C1orf21: variants seen among roughly 807,000 people sequenced by gnomAD.
C1orf21 encodes the protein uncharacterized protein C1orf21.
In C1orf21, 3 loss-of-function variants were observed where a neutral mutation model predicts 18.7. The observed-to-expected ratio is 0.16, with a 90% CI of 0.07 to 0.42. The LOEUF (loss-of-function observed/expected upper bound fraction) is 0.42. Among genes scored for constraint, C1orf21 ranks in the 10% least tolerant of loss-of-function variants. The pLI, the probability that C1orf21 is intolerant of heterozygous loss-of-function variation, is 0.99. For synonymous variants in C1orf21, 41 were observed against 46.4 expected (o/e 0.88, Z 0.47); for missense variants, 104 against 143.6 (o/e 0.72, Z 1.41).
At chr1:184,616,947 G>A (rs752718651) in intron 5 of C1orf21, among the ~76,000 whole-genome samples, 1 of 152,184 alleles carries the variant, frequency 6.6e-6, no homozygotes, top group South Asian at 2.1e-4. Context: ...GTGGGAGGAA[G>A]AGTTCCCTGA....
chr1:184,511,529 A>G (rs1658143109), intron 3 of C1orf21, among the ~76,000 whole-genome samples: 1 of 152,226 alleles, frequency 6.6e-6, no homozygotes, highest in Admixed American at 6.5e-5. Flanking sequence ...TGCTTGAGAC[A>G]TGTCAGGTGT....
intron 1 of C1orf21, among the ~76,000 whole-genome samples, chr1:184,445,879 A>G (rs989274434): frequency 6.6e-6 from 1 of 152,190 alleles, no homozygotes; most frequent in Non-Finnish European, 1.5e-5. Flanking sequence ...TTATCATAAC[A>G]ATTACATTAA....
chr1:184,503,443 G>A (rs1658006960), intron 2 of C1orf21, among the ~76,000 whole-genome samples: 1 of 152,002 alleles, frequency 6.6e-6, no homozygotes, highest in Non-Finnish European at 1.5e-5. Flanking sequence ...TGGGTTCTCA[G>A]AGCATTAGTC....
At chr1:184,398,724 T>C (rs1656102548) in intron 1 of C1orf21, among the ~76,000 whole-genome samples, 1 of 152,202 alleles carries the variant, frequency 6.6e-6, no homozygotes, top group Admixed American at 6.5e-5. Context: ...CTGAATACTA[T>C]GGGCAGTTGT....
chr1:184,578,087 G>A lies in C1orf21; in HGVS notation c.190-12652G>A, dbSNP rs1659220942. Among the ~76,000 whole-genome samples the A allele has an allele frequency of 3.3e-5, 5 of 151,670 alleles. No homozygotes were observed. In the South Asian group the frequency reaches 1.0e-3, roughly 32 times the overall value. Reference sequence around the variant, plus strand: ...TTCTCCTGCCTCAGCCTCCCGAATAGCTGAGATTACAGGCGCCTGCCACCA... The same window carrying A: ...TTCTCCTGCCTCAGCCTCCCGAATAACTGAGATTACAGGCGCCTGCCACCA... On this transcript the variant is annotated intron_variant, in intron 3 of 5. Transcript: ENST00000235307.
At chr1:184,559,616 TC>T (rs1571277672) in intron 3 of C1orf21, among the ~76,000 whole-genome samples, 11 of 127,732 alleles carry the variant, frequency 8.6e-5, no homozygotes, top group Non-Finnish European at 1.5e-4. Flanking sequence ...CCTTCCTCCC[TC>T]CCTCCCTCCC....
intron 1 of C1orf21, among the ~76,000 whole-genome samples, chr1:184,460,620 GTCTTCTTCT>G (rs201481780): frequency 0.16 from 18,332 of 111,478 alleles, 1,611 homozygotes; most frequent in East Asian, 0.22. Context: ...TGTCGTCGTC[GTCTTCTTCT>G]TCTTCTTCTT....
At chr1:184,548,034 G>A (rs1558000009) in intron 3 of C1orf21, among the ~76,000 whole-genome samples, 1 of 152,154 alleles carries the variant, frequency 6.6e-6, no homozygotes, top group Non-Finnish European at 1.5e-5. Flanking sequence ...CAGACTAGCT[G>A]AGGCTTTTAC....
chr1:184,547,548 A>G (rs955214351), intron 3 of C1orf21, among the ~76,000 whole-genome samples: 1 of 151,668 alleles, frequency 6.6e-6, no homozygotes. Flanking sequence ...ATCACAGGGA[A>G]GCTCTGTTTC....
intron 3 of C1orf21, among the ~76,000 whole-genome samples, chr1:184,535,666 A>G (rs1165415637): frequency 6.6e-6 from 1 of 152,224 alleles, no homozygotes; most frequent in African/African-American, 2.4e-5. Flanking sequence ...TTATCTTAGT[A>G]GGGTAAGGCT....
intron 1 of C1orf21, among the ~76,000 whole-genome samples, chr1:184,400,201 A>G (rs1443785435): frequency 2.0e-5 from 3 of 152,122 alleles, no homozygotes; most frequent in East Asian, 1.9e-4. Flanking sequence ...TTTCTTGTTT[A>G]ATAAGATATT....
At chr1:184,410,636 TATATATATATATATATATA>T (rs2101961615) in intron 1 of C1orf21, among the ~76,000 whole-genome samples, 1 of 3,868 alleles carries the variant, frequency 2.6e-4, no homozygotes, top group Non-Finnish European at 3.8e-4. Context: ...TATATATATA[TATATATATATATATATATA>T]TATATATATT....
chr1:184,627,994 T>G lies in C1orf21; in HGVS notation c.*8438T>G, dbSNP rs934253821. The G allele has an allele frequency of 6.6e-6, 1 of 152,246 alleles. No homozygotes were observed. Among genetic ancestry groups the G allele is most frequent in the African/African-American group, 2.4e-5 (1 of 41,464 alleles). The allele number at this position is 152,246 out of a possible 1,614,324, so 9.4% of individuals were successfully genotyped here. A position where few individuals can be genotyped will look rare whatever the true frequency, so the allele number is the denominator to read the frequency against. On this transcript the variant is annotated 3_prime_UTR_variant, in exon 6 of 6. Transcript: ENST00000235307. ...CATATTTGCCCTTCCCAAGGGTATT[T>G]GCATTTTATTTAGGAACATGGCCTT...
intron 1 of C1orf21, among the ~76,000 whole-genome samples, chr1:184,471,883 G>C (rs1287944680): frequency 6.6e-6 from 1 of 152,104 alleles, no homozygotes; most frequent in Non-Finnish European, 1.5e-5. Context: ...TGATGCCAGC[G>C]ATTGTTGGGT....
At chr1:184,445,330 C>T (rs1657011420) in intron 1 of C1orf21, among the ~76,000 whole-genome samples, 1 of 145,930 alleles carries the variant, frequency 6.9e-6, no homozygotes, top group South Asian at 2.2e-4. Context: ...TAAAACCACG[C>T]CCTTTTTTCA....
intron 3 of C1orf21, among the ~76,000 whole-genome samples, chr1:184,543,728 A>G (rs10911605): frequency 0.17 from 25,852 of 152,158 alleles, 2,510 homozygotes; most frequent in East Asian, 0.31. Flanking sequence ...CTAAATATAC[A>G]TTTGTCTTCA....
Position 184,619,991 on chromosome 1 carries a change from C to T in C1orf21, c.*435C>T, listed in dbSNP as rs942628292. 8 of 166,170 alleles carry T rather than the reference C, an allele frequency of 4.8e-5. No individual in the cohort carries two copies. The South Asian group carries it at 1.3e-3, about 28-fold the overall frequency. 10.3% of individuals were successfully genotyped at this position (166,170 alleles called of 1,614,324 possible). ...CATCTCCTGCCCTCTCTCCTTCCTC[C>T]CCATCTCTCGCACGCAGTCTAGAGA... is the stretch of plus-strand genomic sequence containing the variant. On this transcript the variant is annotated 3_prime_UTR_variant, in exon 6 of 6. Transcript: ENST00000235307.
At chr1:184,436,072 G>C (rs1656853300) in intron 1 of C1orf21, among the ~76,000 whole-genome samples, 1 of 152,092 alleles carries the variant, frequency 6.6e-6, no homozygotes, top group Admixed American at 6.5e-5. Context: ...GGGACGTGTG[G>C]GAGAAAATGA....
chr1:184,505,220 C>G (rs1023986592), intron 2 of C1orf21, among the ~76,000 whole-genome samples: 18 of 150,042 alleles, frequency 1.2e-4, no homozygotes, highest in Non-Finnish European at 7.4e-5. Flanking sequence ...CTGGGTCTTT[C>G]AGAAGGTTCT....
Sources: allele counts gnomAD v4.1 joint callset (sites outside exome capture counted in the v4.1 genomes callset), GRCh38; gene constraint gnomAD v4.1.1; transcripts MANE v1.5; gene names NCBI Gene and HGNC (gene_info 2026-07-23, HGNC 2026-07-21).